PISD: variants seen among roughly 807,000 people sequenced by gnomAD.
PISD encodes phosphatidylserine decarboxylase.
Under a neutral mutation model 43.5 loss-of-function variants are expected in PISD, and 31 were observed. The observed-to-expected ratio is 0.71, with a 90% CI of 0.54 to 0.96. The LOEUF is 0.96. Among genes scored for constraint, PISD ranks in the 40% least tolerant of loss-of-function variants. The pLI is 0.00. For missense variants in PISD, 523 were observed against 548.4 expected, an observed-to-expected ratio of 0.95 and a Z score of 0.46; for synonymous variants, 259 against 228.7, an observed-to-expected ratio of 1.13 and a Z score of -1.20.
chr22:31,655,463 G>A (rs947174397), intron 1 of PISD, among the ~76,000 whole-genome samples: 1 of 152,024 alleles, frequency 6.6e-6, no homozygotes, highest in East Asian at 1.9e-4. Flanking sequence ...CTACAGGTGT[G>A]CACCAGCACA....
chr22:31,645,538 CTTT>C (rs1198668208), intron 3 of PISD, among the ~76,000 whole-genome samples: 1 of 138,914 alleles, frequency 7.2e-6, no homozygotes, highest in Admixed American at 7.2e-5. Flanking sequence ...AACCCTGTCT[CTTT>C]TTTTTTTTTT....
At chr22:31,638,572 G>A in intron 3 of PISD, 1 of 985,072 alleles carries the variant, frequency 1.0e-6, no homozygotes, top group Non-Finnish European at 1.2e-6. Context: ...GACACCCGCA[G>A]GCCACTCCTC....
chr22:31,637,130 AT>A (rs2073471315), intron 3 of PISD, among the ~76,000 whole-genome samples: 3 of 108,240 alleles, frequency 2.8e-5, no homozygotes, highest in African/African-American at 1.1e-4. Context: ...AAAAAAAATA[AT>A]AATAAATAAA....
chr22:31,619,552 G>GA lies in PISD; in HGVS notation c.*59dup. ...GGATGGCCTCATGGGCCTCCCTCTT[G>GA]AAAAGACCCTCACTCTGTTTGGAAA... is the stretch of plus-strand genomic sequence containing the variant. On this transcript the variant is annotated 3_prime_UTR_variant, in exon 8 of 8. Transcript: ENST00000439502. The GA allele has an allele frequency of 1.4e-6, 2 of 1,454,460 alleles. No homozygotes were observed. Among genetic ancestry groups the GA allele is most frequent in the African/African-American group, 1.4e-5 (1 of 71,866 alleles). 90.1% of individuals were successfully genotyped at this position (1,454,460 alleles called of 1,614,324 possible).
rs867293115 is a variant in PISD, at chr22:31,648,208, C to T, written c.214G>A (p.Val72Met). The T allele has an allele frequency of 3.7e-6, 6 of 1,612,322 alleles. No individual in the cohort carries two copies. The African/African-American group carries it at 8.0e-5, about 22-fold the overall frequency. Residue 72 changes from valine (V) to methionine (M), a missense_variant, in exon 3 of 8, where the codon GTG becomes ATG. Val to Met is a conservative substitution (Grantham distance 21). Coordinates refer to ENST00000439502, the MANE Select transcript of PISD (RefSeq NM_001326411.2). ...FLLRPLPILL[V>M]TGGGYAGYRQ... ...TACCCTGCATACCCGCCGCCTGTCACCAACAGAATGGGCAGGGGACGCAGC... is the reference window on the plus strand; with the variant it reads ...TACCCTGCATACCCGCCGCCTGTCATCAACAGAATGGGCAGGGGACGCAGC...
rs1176403002 is a variant in PISD, at chr22:31,637,156, AAAAAAAAAATATATATATAT to A, written c.321+10925_321+10944del. ...TAATAAATAAATTAAAAAAAAAAAA[AAAAAAAAAATATATATATAT>A]ATATATATATATATATATATATATA... On this transcript the variant is annotated intron_variant, in intron 3 of 7. Coordinates refer to ENST00000439502, the MANE Select transcript of PISD (RefSeq NM_001326411.2). Among the ~76,000 whole-genome samples, 162 of 42,410 alleles carry A rather than the reference AAAAAAAAAATATATATATAT, an allele frequency of 3.8e-3. 2 individuals are homozygous for A. Among genetic ancestry groups the A allele is most frequent in the East Asian group, 0.025 (28 of 1,134 alleles). The allele number at this position is 42,410 out of a possible 152,430, so 27.8% of individuals were successfully genotyped here.
intron 3 of PISD, among the ~76,000 whole-genome samples, chr22:31,640,729 T>C (rs368321794): frequency 4.1e-5 from 6 of 145,690 alleles, no homozygotes; most frequent in African/African-American, 1.3e-4. Flanking sequence ...TACAGGTGCC[T>C]GCCGCCACGC....
intron 1 of PISD, among the ~76,000 whole-genome samples, chr22:31,656,286 A>G (rs2074172771): frequency 6.6e-6 from 1 of 151,616 alleles, no homozygotes; most frequent in Non-Finnish European, 1.5e-5. Context: ...GGAGGTTGCA[A>G]TGAGCCAAGA....
intron 1 of PISD, 60 bp downstream of exon 1, chr22:31,662,084 A>C: frequency 6.9e-7 from 1 of 1,452,562 alleles, no homozygotes; most frequent in Non-Finnish European, 9.6e-7. Context: ...ATCTCTCTTC[A>C]GACCCCAGCT....
rs867698794 is a variant in PISD, at chr22:31,630,337, G to T, written c.322-8452C>A. On this transcript the variant is annotated intron_variant, in intron 3 of 7. Transcript: ENST00000439502. This position sits in a 1 kb window ranked among gnomAD's most constrained non-coding sequence, Gnocchi z 4.4. ...CGGCCACCCGCTCCCTGGCCCTCGG[G>T]CGCCGCCCTCTTCCCCAGGCGGCCT... Among the ~76,000 whole-genome samples, 9 of 152,088 alleles carry T rather than the reference G, an allele frequency of 5.9e-5. No individual in the cohort carries two copies. Among genetic ancestry groups the T allele is most frequent in the South Asian group, 4.1e-4 (2 of 4,824 alleles).
intron 3 of PISD, chr22:31,623,600 G>A (rs1041251306): frequency 1.5e-6 from 2 of 1,333,030 alleles, no homozygotes; most frequent in Non-Finnish European, 2.0e-6. Context: ...CTGACAGCTC[G>A]CCACCACCTC....
intron 1 of PISD, among the ~76,000 whole-genome samples, chr22:31,651,697 G>T (rs996832696): frequency 2.0e-5 from 3 of 152,174 alleles, no homozygotes; most frequent in Non-Finnish European, 4.4e-5. Context: ...GAGATGAGCT[G>T]AGATCGTGAC....
Position 31,621,353 on chromosome 22 carries a change from C to T in PISD, c.678G>A (p.Glu226=), listed in dbSNP as rs987923749. 6.2e-7 allele frequency: 1 copy of T among 1,614,086 alleles called. No homozygotes were observed. Among genetic ancestry groups the T allele is most frequent in the African/African-American group, 1.3e-5 (1 of 75,056 alleles). Residue 226 remains glutamate (E), a synonymous_variant, in exon 5 of 8, where the codon GAG becomes GAA. Coordinates refer to ENST00000439502, the MANE Select transcript of PISD (RefSeq NM_001326411.2). ...ESFLGPRMCT[E]DLPFPPAASC... ...ACCCACCTGGTGGGAAGGGCAGGTC[C>T]TCTGTGCACATACGCGGGCCCAGGA...
At chr22:31,625,841 A>AGGCTC (rs1437336368) in intron 3 of PISD, 1 of 1,586,794 alleles carries the variant, frequency 6.3e-7, no homozygotes, top group East Asian at 2.3e-5. Context: ...GGGCGGGGCG[A>AGGCTC]GGCTCACTCG....
chr22:31,629,316 G>T, intron 3 of PISD: 1 of 665,618 alleles, frequency 1.5e-6, no homozygotes, highest in Non-Finnish European at 1.9e-6. Flanking sequence ...GGAGGGGTGC[G>T]TGTATAGGTG....
At chr22:31,629,025 G>A (rs2073059570) in intron 3 of PISD, 2 of 985,356 alleles carry the variant, frequency 2.0e-6, no homozygotes, top group Admixed American at 6.1e-5. Flanking sequence ...ATAGGGGGTA[G>A]GGGAACACCT....
rs1238612308 is a variant in PISD, at chr22:31,618,502, AT to A, written c.*1109del. 27 of 1,280,676 alleles carry A rather than the reference AT, an allele frequency of 2.1e-5. No homozygotes were observed. Among genetic ancestry groups the A allele is most frequent in the South Asian group, 3.7e-5 (2 of 53,596 alleles). 79.3% of individuals were successfully genotyped at this position (1,280,676 alleles called of 1,614,324 possible). On this transcript the variant is annotated 3_prime_UTR_variant, in exon 8 of 8. Coordinates refer to ENST00000439502, the MANE Select transcript of PISD (RefSeq NM_001326411.2). The stretch of plus-strand genomic sequence containing the variant: ...GGAACAGAACACAGTTTTAAGTTTG[AT>A]TTTTTTTATTTCAAAATGCTTTGCA...
At chr22:31,660,719 TCGTG>T (rs2074292301) in intron 1 of PISD, among the ~76,000 whole-genome samples, 3 of 152,150 alleles carry the variant, frequency 2.0e-5, no homozygotes, top group African/African-American at 7.2e-5. Context: ...TCCTTTCAAT[TCGTG>T]ACACACTTTA....
chr22:31,654,162 C>T (rs1049214813), intron 1 of PISD, among the ~76,000 whole-genome samples: 44 of 152,332 alleles, frequency 2.9e-4, no homozygotes, highest in Middle Eastern at 3.4e-3. Context: ...AATGCACACA[C>T]ATATCTGAGG....
Sources: allele counts gnomAD v4.1 joint callset (sites outside exome capture counted in the v4.1 genomes callset), GRCh38; gene constraint gnomAD v4.1.1; non-coding constraint Gnocchi (gnomAD v3.1); transcripts MANE v1.5; gene names NCBI Gene and HGNC (gene_info 2026-07-23, HGNC 2026-07-21).